GID4: variants seen among roughly 807,000 people sequenced by gnomAD.
GID4 encodes the protein GID complex subunit 4 homolog.
GID4 carries 7 observed loss-of-function variants against 32.4 expected under a neutral mutation model. The ratio of observed to expected loss-of-function variants is 0.22; its 90% confidence interval spans 0.12 to 0.41. The LOEUF is 0.41. GID4 is among the 10% of genes least tolerant of loss of function. The probability of loss-of-function intolerance (pLI) is 1.00; values close to 1 mark genes in which losing one functional copy is unlikely to be tolerated. For missense variants in GID4, 309 were observed against 400.0 expected, an observed-to-expected ratio of 0.77 and a Z score of 1.94; for synonymous variants, 166 against 170.0, an observed-to-expected ratio of 0.98 and a Z score of 0.18.
chr17:18,049,014 A>T (rs569807183), intron 2 of GID4, among the ~76,000 whole-genome samples: 1 of 152,076 alleles, frequency 6.6e-6, no homozygotes, highest in Admixed American at 6.5e-5. Context: ...TGCCTTCCTC[A>T]CGTATACAGT....
At chr17:18,045,467 A>G (rs529184211) in intron 2 of GID4, among the ~76,000 whole-genome samples, 2 of 152,180 alleles carry the variant, frequency 1.3e-5, no homozygotes, top group Non-Finnish European at 2.9e-5. Flanking sequence ...TTTATTTTTA[A>G]TCCTTTTTGG....
At chr17:18,047,687 G>A (rs1762514139) in intron 2 of GID4, among the ~76,000 whole-genome samples, 1 of 152,204 alleles carries the variant, frequency 6.6e-6, no homozygotes, top group Non-Finnish European at 1.5e-5. Flanking sequence ...AGAGTTGCCT[G>A]TTCCTGGTCC....
At chr17:18,058,354 T>C (rs1185747403) in intron 3 of GID4, among the ~76,000 whole-genome samples, 1 of 152,222 alleles carries the variant, frequency 6.6e-6, no homozygotes. Flanking sequence ...AACCAATCTC[T>C]CGCAGATATC....
In GID4 at chr17:18,054,165, A is replaced by C. The variant is rs1477255602; in HGVS notation, c.537A>C (p.Ile179=). The C allele has an allele frequency of 1.1e-5, 17 of 1,613,130 alleles. No homozygotes were observed. Among genetic ancestry groups the C allele is most frequent in the Non-Finnish European group, 1.4e-5 (17 of 1,179,318 alleles). The part of the protein sequence containing the change: ...PTLTTFFEGE[I]ISKKHPFLTR... ...TTACAACCTTCTTCGAAGGAGAAAT[A>C]ATCAGCAAAAAACACCCTTTCTTAA... The change falls in exon 3 of 6, where the codon ATA becomes ATC. Residue 179 remains isoleucine, a synonymous_variant. Transcript: ENST00000268719.
At chr17:18,046,932 A>C (rs2044859957) in intron 2 of GID4, among the ~76,000 whole-genome samples, 1 of 151,970 alleles carries the variant, frequency 6.6e-6, no homozygotes, top group African/African-American at 2.4e-5. Context: ...CAAAAAAAAA[A>C]AAAAAAAAAA....
intron 2 of GID4, among the ~76,000 whole-genome samples, chr17:18,052,903 C>T (rs1218509594): frequency 2.0e-5 from 3 of 151,628 alleles, no homozygotes; most frequent in Non-Finnish European, 2.9e-5. Context: ...CAGAATTAAA[C>T]GTATCCCTAT....
chr17:18,042,711 T>C (rs1387656259), intron 1 of GID4, among the ~76,000 whole-genome samples: 2 of 152,176 alleles, frequency 1.3e-5, no homozygotes, highest in African/African-American at 4.8e-5. Context: ...GTAACTGGGT[T>C]TTAACATTTT....
intron 1 of GID4, among the ~76,000 whole-genome samples, chr17:18,040,869 A>G (rs1030197801): frequency 9.9e-5 from 15 of 151,938 alleles, no homozygotes; most frequent in Non-Finnish European, 7.4e-5. Flanking sequence ...GCCTCCCCCC[A>G]TTTGACCTGG....
At chr17:18,041,052 A>G (rs2044796862) in intron 1 of GID4, among the ~76,000 whole-genome samples, 1 of 151,772 alleles carries the variant, frequency 6.6e-6, no homozygotes, top group Non-Finnish European at 1.5e-5. Context: ...TTCCTCCTCT[A>G]TACCTACCCC....
chr17:18,063,133 C>T (rs1431420617), intron 5 of GID4, among the ~76,000 whole-genome samples: 4 of 150,266 alleles, frequency 2.7e-5, no homozygotes, highest in East Asian at 4.0e-4. Flanking sequence ...AGCTTTGGTC[C>T]GGGCACAGTA....
In GID4 at chr17:18,061,274, G is replaced by A. The variant is rs1477387184; in HGVS notation, c.709-571G>A. Among the ~76,000 whole-genome samples, 1 of 152,170 alleles carries A rather than the reference G, an allele frequency of 6.6e-6. No individual in the cohort carries two copies. Among genetic ancestry groups the A allele is most frequent in the East Asian group, 1.9e-4 (1 of 5,186 alleles). On this transcript the variant is annotated intron_variant, in intron 4 of 5. Coordinates refer to ENST00000268719, the MANE Select transcript of GID4 (RefSeq NM_024052.5). The surrounding 1 kb of genome is among the most constrained non-coding windows in gnomAD (Gnocchi z 4.4). ...CTTTCAGCTCCAGCAGAGGTGGCAA[G>A]CTTGCCTCTCTCCTAAGGTCCCTGG...
rs1033572196 is a variant in GID4 at position 18,065,322 on chromosome 17, A to G, written c.*79A>G. ...GCCGAGAAAATTGTGTACCTGCCAG[A>G]ACCAGGAGAAGTGTGTTCCTGTTTC... On this transcript the variant is annotated 3_prime_UTR_variant, in exon 6 of 6. Coordinates refer to ENST00000268719, the MANE Select transcript of GID4 (RefSeq NM_024052.5). The G allele has an allele frequency of 9.7e-7, 1 of 1,029,972 alleles. No individual in the cohort carries two copies. 63.8% of individuals were successfully genotyped at this position (1,029,972 alleles called of 1,614,324 possible). A position where few individuals can be genotyped will look rare whatever the true frequency, so the allele number is the denominator to read the frequency against.
intron 4 of GID4, among the ~76,000 whole-genome samples, chr17:18,060,114 G>T (rs1448365473): frequency 6.7e-6 from 1 of 150,028 alleles, no homozygotes; most frequent in African/African-American, 2.4e-5. Context: ...AAAGAAATGG[G>T]GATCACTGGG....
rs897438698 is a variant in GID4 at position 18,061,313 on chromosome 17, C to T, written c.709-532C>T. On this transcript the variant is annotated intron_variant, in intron 4 of 5. Transcript: ENST00000268719. The surrounding 1 kb of genome is among the most constrained non-coding windows in gnomAD (Gnocchi z 4.4). ...TAAGGTCCCTGGTAAAGAACAGTAC[C>T]GTTCTGACTGCTTTTGACAAGGCGT... Among the ~76,000 whole-genome samples, 3 of 152,136 alleles carry T rather than the reference C, an allele frequency of 2.0e-5. No homozygotes were observed. The highest frequency in any genetic ancestry group is 7.2e-5 in the African/African-American group (3 of 41,428).
At chr17:18,045,801 C>T (rs2044847394) in intron 2 of GID4, among the ~76,000 whole-genome samples, 1 of 148,338 alleles carries the variant, frequency 6.7e-6, no homozygotes, top group African/African-American at 2.5e-5. Context: ...GTCTGAGGCA[C>T]AGAGAATCAC....
intron 3 of GID4, among the ~76,000 whole-genome samples, chr17:18,055,407 TC>T (rs763677924): frequency 2.0e-5 from 3 of 152,174 alleles, no homozygotes; most frequent in Non-Finnish European, 4.4e-5. Flanking sequence ...TGGAGAGAAC[TC>T]CCGCAGACCC....
intron 5 of GID4, among the ~76,000 whole-genome samples, chr17:18,063,750 CT>C (rs373819995): frequency 2.6e-5 from 4 of 151,450 alleles, no homozygotes; most frequent in African/African-American, 7.3e-5. Flanking sequence ...GTATATACAA[CT>C]TTTTTTTTGA....
intron 1 of GID4, among the ~76,000 whole-genome samples, chr17:18,041,846 G>C (rs2044806797): frequency 6.6e-6 from 1 of 152,252 alleles, no homozygotes. Context: ...TCATGAACCA[G>C]GGGAAGCAGT....
chr17:18,040,899 C>CGA (rs1208064572), intron 1 of GID4, among the ~76,000 whole-genome samples: 3 of 152,194 alleles, frequency 2.0e-5, no homozygotes, highest in Non-Finnish European at 4.4e-5. Context: ...TACCTGCTGC[C>CGA]AGTCCCTGAT....
Sources: gnomAD v4.1 joint callset for allele counts (sites outside exome capture counted in the v4.1 genomes callset) on GRCh38, gnomAD v4.1.1 for gene constraint, Gnocchi (gnomAD v3.1) non-coding constraint, MANE v1.5 for transcripts, NCBI Gene and HGNC (gene_info 2026-07-23, HGNC 2026-07-21) for gene names.